Variants in KCTD16 observed in about 807,000 individuals in gnomAD.
The protein encoded by KCTD16 is potassium channel tetramerization domain containing 16, also known as BTB/POZ domain-containing protein KCTD16.
A neutral mutation model predicts 33.2 loss-of-function variants in KCTD16; 13 were observed. The observed-to-expected ratio is 0.39, with a 90% CI of 0.25 to 0.62. The LOEUF is 0.62. Ranked by LOEUF, KCTD16 falls within the 20% of genes least tolerant of loss-of-function variation. The probability of loss-of-function intolerance (pLI) is 0.50; values close to 1 mark genes in which losing one functional copy is unlikely to be tolerated. For synonymous variants in KCTD16, 197 were observed against 195.3 expected, an observed-to-expected ratio of 1.01 and a Z score of -0.07; for missense variants, 441 against 525.1, an observed-to-expected ratio of 0.84 and a Z score of 1.57.
At chr5:144,240,303 A>G (rs1754366369) in intron 3 of KCTD16, among the ~76,000 whole-genome samples, 1 of 152,098 alleles carries the variant, frequency 6.6e-6, no homozygotes, top group Non-Finnish European at 1.5e-5. Context: ...TATCTCTTTA[A>G]ATTCGAATTG....
At chr5:144,226,575 T>C (rs561517171) in intron 3 of KCTD16, among the ~76,000 whole-genome samples, 1 of 149,716 alleles carries the variant, frequency 6.7e-6, no homozygotes, top group South Asian at 2.1e-4. Context: ...GAAAAAAAAA[T>C]ATGTCTTTTT....
intron 3 of KCTD16, among the ~76,000 whole-genome samples, chr5:144,295,458 C>T (rs1369126346): frequency 2.0e-5 from 3 of 152,176 alleles, no homozygotes; most frequent in Non-Finnish European, 4.4e-5. Context: ...GAGATTCAGA[C>T]AAACTCCAGG....
intron 2 of KCTD16, among the ~76,000 whole-genome samples, chr5:144,181,954 C>T (rs375584295): frequency 1.3e-3 from 196 of 151,994 alleles, no homozygotes; most frequent in African/African-American, 4.0e-3. Flanking sequence ...ATTAGCCAGC[C>T]GTGGTGGCAC....
At chr5:144,473,517 C>A in intron 3 of KCTD16, 143 bp from the exon 4 acceptor site, 2 of 799,754 alleles carry the variant, frequency 2.5e-6, no homozygotes, top group Non-Finnish European at 3.9e-6. Context: ...TGCAGCCCAC[C>A]CTGGGTGCCA....
At chr5:144,182,482 A>C (rs1300690542) in intron 2 of KCTD16, among the ~76,000 whole-genome samples, 1 of 152,240 alleles carries the variant, frequency 6.6e-6, no homozygotes, top group Admixed American at 6.5e-5. Flanking sequence ...CAGGGGAAGA[A>C]GGGATTGAGA....
rs917909361 is a variant in KCTD16, at chr5:144,474,232, A to G, written c.*118A>G. 5.2e-6 allele frequency: 4 copies of G among 773,306 alleles called. No homozygotes were observed. Among genetic ancestry groups the G allele is most frequent in the Admixed American group, 2.9e-5 (1 of 34,666 alleles). The allele number at this position is 773,306 out of a possible 1,614,324, so 47.9% of individuals were successfully genotyped here. On this transcript the variant is annotated 3_prime_UTR_variant, in exon 4 of 4. Transcript: ENST00000512467. ...AATGATGCACATTTCTTAGAACACAATAGTCCATTGATATACTACTGCCTA... is the reference window on the plus strand; with the variant it reads ...AATGATGCACATTTCTTAGAACACAGTAGTCCATTGATATACTACTGCCTA...
chr5:144,458,625 G>T (rs1217638892), intron 3 of KCTD16, among the ~76,000 whole-genome samples: 1 of 152,172 alleles, frequency 6.6e-6, no homozygotes, highest in Admixed American at 6.5e-5. Flanking sequence ...AGCTTCAGGT[G>T]CTGGGGTCCA....
intron 2 of KCTD16, among the ~76,000 whole-genome samples, chr5:144,191,045 A>C (rs973912074): frequency 6.6e-6 from 1 of 152,246 alleles, no homozygotes; most frequent in Non-Finnish European, 1.5e-5. Context: ...CCAAATGGGT[A>C]ATAGAGCAGC....
At chr5:144,321,304 C>T (rs1752069421) in intron 3 of KCTD16, among the ~76,000 whole-genome samples, 1 of 152,112 alleles carries the variant, frequency 6.6e-6, no homozygotes. Flanking sequence ...TTCGAAATCA[C>T]CTAGGGTGTT....
chr5:144,404,827 A>C (rs1354799681), intron 3 of KCTD16, among the ~76,000 whole-genome samples: 1 of 152,170 alleles, frequency 6.6e-6, no homozygotes, highest in Non-Finnish European at 1.5e-5. Flanking sequence ...TCATCTACAC[A>C]GGTGAACACA....
At chr5:144,343,854 G>A (rs955030631) in intron 3 of KCTD16, among the ~76,000 whole-genome samples, 4 of 152,114 alleles carry the variant, frequency 2.6e-5, no homozygotes, top group Non-Finnish European at 5.9e-5. Flanking sequence ...AGTCATTCAG[G>A]TGCATTTGTT....
chr5:144,363,584 G>A (rs1043149120), intron 3 of KCTD16, among the ~76,000 whole-genome samples: 4 of 151,996 alleles, frequency 2.6e-5, no homozygotes, highest in African/African-American at 7.3e-5. Flanking sequence ...TATGTGATAA[G>A]TTCAAATGAT....
At chr5:144,220,393 C>T (rs1753706378) in intron 3 of KCTD16, among the ~76,000 whole-genome samples, 2 of 152,248 alleles carry the variant, frequency 1.3e-5, no homozygotes, top group Non-Finnish European at 2.9e-5. Context: ...CTTCCTGGGG[C>T]AGGAGCTATA....
At chr5:144,220,299 T>C (rs1753702302) in intron 3 of KCTD16, among the ~76,000 whole-genome samples, 2 of 152,218 alleles carry the variant, frequency 1.3e-5, no homozygotes, top group South Asian at 4.1e-4. Context: ...CAGTACCTTG[T>C]TTGTTTCCAT....
In KCTD16 at chr5:144,474,289, A is replaced by G; in HGVS notation, c.*175A>G. 2 of 585,156 alleles carry G rather than the reference A, an allele frequency of 3.4e-6. No homozygotes were observed. The highest frequency in any genetic ancestry group is 2.9e-5 in the East Asian group (1 of 34,398). The allele number at this position is 585,156 out of a possible 1,614,324, so 36.2% of individuals were successfully genotyped here. The stretch of plus-strand genomic sequence containing the variant: ...CTAGTTCACCTTAACATGTAAATCC[A>G]CAGGGTAGATTTCTTTCTAGATGTG... On this transcript the variant is annotated 3_prime_UTR_variant, in exon 4 of 4. Coordinates refer to ENST00000512467, the MANE Select transcript of KCTD16 (RefSeq NM_020768.4).
At chr5:144,405,573 T>G (rs1448733430) in intron 3 of KCTD16, among the ~76,000 whole-genome samples, 12 of 152,192 alleles carry the variant, frequency 7.9e-5, no homozygotes, top group Admixed American at 7.9e-4. Flanking sequence ...GTTTTGTTTC[T>G]CTGTAACACA....
chr5:144,178,777 C>G (rs1303543190), intron 2 of KCTD16, among the ~76,000 whole-genome samples: 4 of 152,008 alleles, frequency 2.6e-5, no homozygotes, highest in Admixed American at 2.6e-4. Flanking sequence ...AAAGTTATTC[C>G]TTTTAATTTA....
At chr5:144,208,010 T>G (rs1414495911) in intron 3 of KCTD16, among the ~76,000 whole-genome samples, 4 of 152,140 alleles carry the variant, frequency 2.6e-5, no homozygotes, top group Non-Finnish European at 4.4e-5. Context: ...AAAACACAAA[T>G]GGATGTTGCA....
chr5:144,383,122 TC>T (rs1480551925), intron 3 of KCTD16: 15 of 152,130 alleles, frequency 9.9e-5, no homozygotes, highest in African/African-American at 3.6e-4. Context: ...CATTTCACCT[TC>T]CCTGGTACCT....
Sources: gnomAD v4.1 joint callset for allele counts (sites outside exome capture counted in the v4.1 genomes callset) on GRCh38, gnomAD v4.1.1 for gene constraint, MANE v1.5 for transcripts, NCBI Gene and HGNC (gene_info 2026-07-23, HGNC 2026-07-21) for gene names.